ADAMTS9: variants seen among roughly 807,000 people sequenced by gnomAD.
The protein encoded by ADAMTS9 is ADAM metallopeptidase with thrombospondin type 1 motif 9, also known as A disintegrin and metalloproteinase with thrombospondin motifs 9.
ADAMTS9 carries 107 observed loss-of-function variants against 257.1 expected under a neutral mutation model. The observed-to-expected ratio is 0.42, with a 90% confidence interval of 0.36 to 0.49. The LOEUF (loss-of-function observed/expected upper bound fraction) is 0.49. ADAMTS9 is among the 20% of genes least tolerant of loss of function. ADAMTS9 has a pLI of 0.03. For missense variants in ADAMTS9, 2,353 were observed against 2,469.1 expected (o/e 0.95, Z 1.00); for synonymous variants, 982 against 880.9 (o/e 1.11, Z -2.03).
At chr3:64,666,085 A>G (rs1418388123) in intron 3 of ADAMTS9, among the ~76,000 whole-genome samples, 3 of 152,222 alleles carry the variant, frequency 2.0e-5, no homozygotes, top group Non-Finnish European at 1.5e-5. Flanking sequence ...TTAAGATAGT[A>G]TCCTTATTTT....
intron 30 of ADAMTS9, among the ~76,000 whole-genome samples, chr3:64,558,442 T>C (rs182823726): frequency 6.6e-6 from 1 of 152,264 alleles, no homozygotes; most frequent in African/African-American, 2.4e-5. Flanking sequence ...TAAGCTTTAT[T>C]ATTTTTATTA....
chr3:64,543,914 G>A (rs530966170), intron 32 of ADAMTS9, among the ~76,000 whole-genome samples: 1 of 152,318 alleles, frequency 6.6e-6, no homozygotes, highest in African/African-American at 2.4e-5. Flanking sequence ...AGCAACTTCA[G>A]CAAAGTCTCC....
At chr3:64,682,929 C>A (rs999983152) in intron 2 of ADAMTS9, among the ~76,000 whole-genome samples, 1 of 152,062 alleles carries the variant, frequency 6.6e-6, no homozygotes, top group Non-Finnish European at 1.5e-5. Context: ...AGGGCATTAC[C>A]CCCTACTCAC....
Position 64,594,416 on chromosome 3 carries a change from C to T in ADAMTS9, c.4198G>A (p.Gly1400Arg), listed in dbSNP as rs761860159. 1.9e-6 allele frequency: 3 copies of T among 1,613,856 alleles called. No homozygotes were observed. The highest frequency in any genetic ancestry group is 2.2e-5 in the East Asian group (1 of 44,862). ...NWGECTKLCGGGIRTRLVVCQ... is the reference protein window; with the variant it reads ...NWGECTKLCGRGIRTRLVVCQ... ...ACCACCAGTCTTGTTCTTATGCCTC[C>T]ACCACACAGCTTAGTGCACTGGAAG... Residue 1400 changes from glycine to arginine, a missense_variant, in exon 28 of 40, where the codon GGA becomes AGA. Transcript: ENST00000498707.
intron 28 of ADAMTS9, chr3:64,583,817 A>G (rs935206600): frequency 6.6e-6 from 1 of 152,180 alleles, no homozygotes; most frequent in Non-Finnish European, 1.5e-5. Context: ...GGGCCTGCTG[A>G]ACATCCGCTC....
chr3:64,564,625 G>GA (rs1037951090), intron 29 of ADAMTS9, among the ~76,000 whole-genome samples: 1 of 151,740 alleles, frequency 6.6e-6, no homozygotes, highest in Admixed American at 6.6e-5. Context: ...GTGTGGGGGG[G>GA]GCGTTGTCGT....
At position 64,658,604 on chromosome 3, in the gene ADAMTS9, T is replaced by C; in HGVS notation, c.867A>G (p.Leu289=). ...KRTHRRTKRF[L]SYPRFVEVLV... ...AGACTTCTACAAACCGTGGATAGGA[T>C]AAAAAACGTTTTGTCCTTCTGTGGG... Residue 289 remains leucine (L), a synonymous_variant, in exon 4 of 40, where the codon TTA becomes TTG. Transcript: ENST00000498707. 1 of 1,614,136 alleles carries C rather than the reference T, an allele frequency of 6.2e-7. No individual in the cohort carries two copies. The highest frequency in any genetic ancestry group is 8.5e-7 in the Non-Finnish European group (1 of 1,180,014).
rs368723315 is a variant in ADAMTS9, at chr3:64,586,267, T to C, written c.4356+7991A>G. 6.6e-5 allele frequency among the ~76,000 whole-genome samples: 10 copies of C among 151,906 alleles called. No homozygotes were observed. The East Asian group carries it at 1.7e-3, about 26-fold the overall frequency. Reference sequence around the variant, plus strand: ...TGAGCACAAAGTAAATGTTCCAAAATGTAAGTGGTTGTTATAATAAAAAAA... The same window carrying C: ...TGAGCACAAAGTAAATGTTCCAAAACGTAAGTGGTTGTTATAATAAAAAAA... On this transcript the variant is annotated intron_variant, in intron 28 of 39. Coordinates refer to ENST00000498707, the MANE Select transcript of ADAMTS9 (RefSeq NM_182920.2).
rs1048098955 is a variant in ADAMTS9 at position 64,687,718 on chromosome 3, C to T, written c.-61G>A. 18 of 1,288,308 alleles carry T rather than the reference C, an allele frequency of 1.4e-5. No homozygotes were observed. The highest frequency in any genetic ancestry group is 1.7e-5 in the Non-Finnish European group (16 of 966,988). The allele number at this position is 1,288,308 out of a possible 1,614,324, so 79.8% of individuals were successfully genotyped here. On this transcript the variant is annotated 5_prime_UTR_variant, in exon 1 of 40. Coordinates refer to ENST00000498707, the MANE Select transcript of ADAMTS9 (RefSeq NM_182920.2). This position sits in a 1 kb window ranked among gnomAD's most constrained non-coding sequence, Gnocchi z 4.4. ...CCCTCCCTCCTGCCCTCCTTGGCTG[C>T]GGCGGCGACGCGAGGCAGCGGCCGT... is the stretch of plus-strand genomic sequence containing the variant.
rs572748688 is a variant in ADAMTS9, at chr3:64,555,203, G to A, written c.4699-4141C>T. Among the ~76,000 whole-genome samples the A allele has an allele frequency of 7.9e-5, 12 of 152,252 alleles. No homozygotes were observed. The South Asian group carries it at 2.1e-3, about 26-fold the overall frequency. On this transcript the variant is annotated intron_variant, in intron 30 of 39. Coordinates refer to ENST00000498707, the MANE Select transcript of ADAMTS9 (RefSeq NM_182920.2). ...GCAATGACAAATCAGTTTATCTAGC[G>A]TTGCTTTAAATGGCAACAACGAAAA...
intron 16 of ADAMTS9, among the ~76,000 whole-genome samples, chr3:64,624,139 T>A (rs1021310641): frequency 6.6e-6 from 1 of 151,666 alleles, no homozygotes; most frequent in Non-Finnish European, 1.5e-5. Flanking sequence ...ATTCTGGAGA[T>A]CTAGTATACA....
At chr3:64,542,635 T>C (rs979789733) in intron 32 of ADAMTS9, among the ~76,000 whole-genome samples, 5 of 152,064 alleles carry the variant, frequency 3.3e-5, no homozygotes, top group African/African-American at 1.2e-4. Context: ...GGGAAATATA[T>C]AGTACTAAAT....
intron 3 of ADAMTS9, among the ~76,000 whole-genome samples, chr3:64,680,227 T>C (rs1030479577): frequency 6.6e-6 from 1 of 152,154 alleles, no homozygotes; most frequent in African/African-American, 2.4e-5. Flanking sequence ...TTGAGGAAAC[T>C]CCCTGGTGGT....
intron 32 of ADAMTS9, among the ~76,000 whole-genome samples, chr3:64,545,614 T>TG (rs2083187044): frequency 6.6e-6 from 1 of 151,902 alleles, no homozygotes; most frequent in African/African-American, 2.4e-5. Flanking sequence ...GTCATGGAGT[T>TG]GGGGGCAGGG....
Position 64,631,909 on chromosome 3 carries a change from T to C in ADAMTS9, c.2192A>G (p.His731Arg), listed in dbSNP as rs774313609. 1 of 1,613,704 alleles carries C rather than the reference T, an allele frequency of 6.2e-7. No individual in the cohort carries two copies. The highest frequency in any genetic ancestry group is 8.5e-7 in the Non-Finnish European group (1 of 1,179,746). Residue 731 changes from histidine to arginine, a missense_variant, in exon 15 of 40, where the codon CAT (histidine) becomes CGT (arginine). This residue lies in a region of ADAMTS9 where 360 missense variants were observed against 458.1 expected (regional missense o/e 0.79). Coordinates refer to ENST00000498707, the MANE Select transcript of ADAMTS9 (RefSeq NM_182920.2). The part of the protein sequence containing the change: ...QGLCRQAGCD[H>R]VLNSKARRDK... ...TCTCCGGGCTTTTGAGTTTAAAACA[T>C]GATCGCATCCAGCTTGCTTTTAAAA...
chr3:64,578,260 C>G (rs541665112), intron 28 of ADAMTS9, among the ~76,000 whole-genome samples: 3 of 151,056 alleles, frequency 2.0e-5, no homozygotes, highest in Non-Finnish European at 4.4e-5. Context: ...TGTGGCTTTT[C>G]TTGTCTCCTC....
In ADAMTS9 at chr3:64,645,978, G is replaced by A. The variant is rs949904529; in HGVS notation, c.1710+1962C>T. Among the ~76,000 whole-genome samples, 3 of 152,346 alleles carry A rather than the reference G, an allele frequency of 2.0e-5. No homozygotes were observed. In the East Asian group the frequency reaches 5.8e-4, roughly 29 times the overall value. On this transcript the variant is annotated intron_variant, in intron 11 of 39. Coordinates refer to ENST00000498707, the MANE Select transcript of ADAMTS9 (RefSeq NM_182920.2). Reference sequence around the variant, plus strand: ...CAAGTTATTCTGCATTCCAGAATTGGTTGGGTAACCATACTGCTATCTGGA... The same window carrying A: ...CAAGTTATTCTGCATTCCAGAATTGATTGGGTAACCATACTGCTATCTGGA...
At chr3:64,622,102 G>A in intron 18 of ADAMTS9, 96 bp downstream of exon 18, 1 of 1,291,406 alleles carries the variant, frequency 7.7e-7, no homozygotes, top group East Asian at 2.6e-5. Flanking sequence ...CAGATAGAAG[G>A]GTTTGCAGTT....
chr3:64,670,876 A>C (rs1159412760), intron 3 of ADAMTS9, among the ~76,000 whole-genome samples: 1 of 152,222 alleles, frequency 6.6e-6, no homozygotes, highest in African/African-American at 2.4e-5. Flanking sequence ...AGAACAACAA[A>C]ATGTTGACAA....
Sources: allele counts gnomAD v4.1 joint callset (sites outside exome capture counted in the v4.1 genomes callset), GRCh38; gene constraint gnomAD v4.1.1; regional missense constraint gnomAD v4.1.1; non-coding constraint Gnocchi (gnomAD v3.1); transcripts MANE v1.5; gene names NCBI Gene and HGNC (gene_info 2026-07-23, HGNC 2026-07-21).